The following DOCK10 variants were observed in gnomAD, a reference collection of about 807,000 sequenced individuals.
DOCK10 encodes dedicator of cytokinesis protein 10.
In DOCK10, 145 loss-of-function variants were observed where a neutral mutation model predicts 280.1. That is an observed-to-expected ratio of 0.52 (90% CI 0.45 to 0.59). DOCK10 has a LOEUF of 0.59. Among genes scored for constraint, DOCK10 ranks in the 20% least tolerant of loss-of-function variants. The pLI is 0.00. For missense variants in DOCK10, 2,368 were observed against 2,651.7 expected (o/e 0.89, Z 2.35); for synonymous variants, 915 against 942.2 (o/e 0.97, Z 0.53).
chr2:224,900,583 T>C (rs1445742931), intron 3 of DOCK10, among the ~76,000 whole-genome samples: 8 of 152,252 alleles, frequency 5.3e-5, no homozygotes. Context: ...TTTTGTGTAA[T>C]ATTTCTGTTT....
At chr2:224,833,833 G>A (rs1431605533) in intron 26 of DOCK10, among the ~76,000 whole-genome samples, 2 of 152,032 alleles carry the variant, frequency 1.3e-5, no homozygotes, top group Admixed American at 1.3e-4. Context: ...TGTATTTTTA[G>A]TAGAGATGGG....
chr2:224,796,964 TTG>T lies in DOCK10; in HGVS notation c.4825_4826del (p.Gln1609ThrfsTer28). The T allele has an allele frequency of 6.2e-7, 1 of 1,611,514 alleles. No individual in the cohort carries two copies. The highest frequency in any genetic ancestry group is 8.5e-7 in the Non-Finnish European group (1 of 1,178,550). On this transcript the variant is annotated frameshift_variant and splice_region_variant, in exon 43 of 56. Coordinates refer to ENST00000258390, the MANE Select transcript of DOCK10 (RefSeq NM_014689.3). LOFTEE classifies it high-confidence loss of function. ...KQKSIVRSHL[Q>X]LIKAVSQLIA... ...ATTAATGAAAATTGGCAGCACTTAC[TTG>T]TAAGTGGGACCGGACAATTGACTTC...
chr2:224,842,606 C>A (rs546844421), intron 22 of DOCK10, among the ~76,000 whole-genome samples: 1 of 151,034 alleles, frequency 6.6e-6, no homozygotes, highest in South Asian at 2.1e-4. Flanking sequence ...TGTGTGTGTG[C>A]CCTATTTTCT....
At chr2:224,768,782 A>T in intron 55 of DOCK10, 1 of 375,224 alleles carries the variant, frequency 2.7e-6, no homozygotes, top group Admixed American at 3.7e-5. Context: ...GCTACTAGGG[A>T]GGTGACTAGA....
chr2:225,006,894 G>A (rs887031431), intron 1 of DOCK10, among the ~76,000 whole-genome samples: 4 of 152,202 alleles, frequency 2.6e-5, no homozygotes, highest in African/African-American at 9.6e-5. Context: ...CTGAGGACTT[G>A]AACTTCAAGC....
chr2:225,022,033 AG>A (rs1689795909), intron 1 of DOCK10, among the ~76,000 whole-genome samples: 1 of 152,228 alleles, frequency 6.6e-6, no homozygotes, highest in African/African-American at 2.4e-5. Context: ...ACATAAGTCA[AG>A]TTGGATTCTG....
At chr2:224,971,562 A>G (rs926086877) in intron 1 of DOCK10, among the ~76,000 whole-genome samples, 1 of 152,236 alleles carries the variant, frequency 6.6e-6, no homozygotes, top group African/African-American at 2.4e-5. Flanking sequence ...CAATGCAGCC[A>G]CCACTAGCCA....
chr2:224,882,166 A>C (rs183178408), intron 7 of DOCK10, among the ~76,000 whole-genome samples: 2 of 152,352 alleles, frequency 1.3e-5, no homozygotes, highest in East Asian at 3.9e-4. Context: ...ATTCTCTTCT[A>C]CAGTGGCAGA....
At chr2:224,909,662 T>C (rs1700889946) in intron 3 of DOCK10, among the ~76,000 whole-genome samples, 1 of 152,028 alleles carries the variant, frequency 6.6e-6, no homozygotes, top group Admixed American at 6.6e-5. Flanking sequence ...CTTGGGCGAG[T>C]TCATTATTCA....
At chr2:224,995,831 G>T (rs932320755) in intron 1 of DOCK10, among the ~76,000 whole-genome samples, 16 of 152,122 alleles carry the variant, frequency 1.1e-4, no homozygotes, top group African/African-American at 3.9e-4. Context: ...AATGTGTATT[G>T]CTCACACTCT....
Position 224,870,815 on chromosome 2 carries a change from A to ATT in DOCK10, c.1257+3179_1257+3180dup, listed in dbSNP as rs71410336. On this transcript the variant is annotated intron_variant, in intron 11 of 55. Transcript: ENST00000258390. Reference sequence around the variant, plus strand: ...TTGTATTTCCATTCATGGCCACTCCATTTTTTTTTTTTTTTTTTTTTTTTT... The same window carrying ATT: ...TTGTATTTCCATTCATGGCCACTCCATTTTTTTTTTTTTTTTTTTTTTTTTTT... Among the ~76,000 whole-genome samples, 372 of 52,608 alleles carry ATT rather than the reference A, an allele frequency of 7.1e-3. 92 individuals carry two copies. Among genetic ancestry groups the ATT allele is most frequent in the African/African-American group, 0.011 (103 of 9,698 alleles). 34.5% of individuals were successfully genotyped at this position (52,608 alleles called of 152,430 possible).
Position 224,911,476 on chromosome 2 carries a change from A to C in DOCK10, c.333+5219T>G, listed in dbSNP as rs574068323. Among the ~76,000 whole-genome samples, 15 of 152,308 alleles carry C rather than the reference A, an allele frequency of 9.8e-5. No homozygotes were observed. In the South Asian group the frequency reaches 3.1e-3, roughly 32 times the overall value. On this transcript the variant is annotated intron_variant, in intron 3 of 55. Transcript: ENST00000258390. ...GATCCACTTATCTGCTTTTCATGCT[A>C]TCTTTCCCCTGGAAAAGTAGCTACA...
At position 224,886,093 on chromosome 2, in the gene DOCK10, G is replaced by C; in HGVS notation, c.582C>G (p.Asn194Lys). 4 of 1,613,812 alleles carry C rather than the reference G, an allele frequency of 2.5e-6. No homozygotes were observed. Among genetic ancestry groups the C allele is most frequent in the Non-Finnish European group, 3.4e-6 (4 of 1,179,866 alleles). Residue 194 changes from asparagine (N) to lysine (K), a missense_variant, in exon 6 of 56, where the codon AAC becomes AAG. Asn to Lys is a moderately conservative substitution (Grantham distance 94). Transcript: ENST00000258390. The stretch of plus-strand genomic sequence containing the variant: ...CAGTAACGGTGTTGTTCACGGTGCT[G>C]TTAAAATTCCCCTTGTAGAGCCAGC... ...KSGWLYKGNF[N>K]STVNNTVTVR...
At chr2:224,792,504 G>C (rs867072908) in intron 47 of DOCK10, among the ~76,000 whole-genome samples, 1 of 152,134 alleles carries the variant, frequency 6.6e-6, no homozygotes, top group East Asian at 1.9e-4. Context: ...GGCTGGTCTC[G>C]GACTTCTGAC....
chr2:224,773,105 C>T (rs1168829057), intron 53 of DOCK10, 52 bp downstream of exon 53: 1 of 1,486,104 alleles, frequency 6.7e-7, no homozygotes, highest in African/African-American at 1.4e-5. Flanking sequence ...GGGCATTTTA[C>T]ACCTGGTTTC....
intron 2 of DOCK10, among the ~76,000 whole-genome samples, chr2:224,928,693 G>A (rs1385241961): frequency 1.3e-5 from 2 of 152,202 alleles, no homozygotes; most frequent in Non-Finnish European, 2.9e-5. Flanking sequence ...GCCATTTGGA[G>A]GATGTGACAT....
intron 27 of DOCK10, among the ~76,000 whole-genome samples, chr2:224,827,730 C>T (rs1574893731): frequency 6.6e-6 from 1 of 152,182 alleles, no homozygotes; most frequent in African/African-American, 2.4e-5. Flanking sequence ...TTTTCTCTCC[C>T]TCCCAGGTAG....
intron 1 of DOCK10, among the ~76,000 whole-genome samples, chr2:225,033,256 C>G (rs1032410032): frequency 4.0e-5 from 6 of 151,826 alleles, no homozygotes. Flanking sequence ...GATCTCAGCT[C>G]ACTGCGACCT....
intron 7 of DOCK10, among the ~76,000 whole-genome samples, chr2:224,883,999 T>C (rs1245639012): frequency 6.6e-6 from 1 of 152,234 alleles, no homozygotes; most frequent in African/African-American, 2.4e-5. Context: ...GTTATTGATC[T>C]TTACTGCTAA....
Sources: gnomAD v4.1 joint callset for allele counts (sites outside exome capture counted in the v4.1 genomes callset) on GRCh38, gnomAD v4.1.1 for gene constraint, MANE v1.5 for transcripts, NCBI Gene and HGNC (gene_info 2026-07-23, HGNC 2026-07-21) for gene names.